PDE4B: variants seen among roughly 807,000 people sequenced by gnomAD.
PDE4B encodes the protein 3',5'-cyclic-AMP phosphodiesterase 4B.
Under a neutral mutation model 82.2 loss-of-function variants are expected in PDE4B, and 20 were observed. That is an observed-to-expected ratio of 0.24 (90% CI 0.17 to 0.35). PDE4B has a LOEUF of 0.35. PDE4B is among the 10% of genes least tolerant of loss of function. The pLI is 1.00. For missense variants in PDE4B, 655 were observed against 907.2 expected, an observed-to-expected ratio of 0.72 and a Z score of 3.57; for synonymous variants, 320 against 318.9, an observed-to-expected ratio of 1.00 and a Z score of -0.04.
At chr1:66,297,615 A>G (rs1657602615) in intron 7 of PDE4B, among the ~76,000 whole-genome samples, 2 of 152,114 alleles carry the variant, frequency 1.3e-5, no homozygotes, top group African/African-American at 4.8e-5. Context: ...TTTTTATTAT[A>G]TTATTCATTA....
chr1:65,869,142 A>G (rs1646545125), intron 1 of PDE4B, among the ~76,000 whole-genome samples: 1 of 152,228 alleles, frequency 6.6e-6, no homozygotes, highest in East Asian at 1.9e-4. Context: ...TAATCAGACA[A>G]TTTTGGAAGT....
chr1:65,944,356 G>T (rs1648597622), intron 3 of PDE4B, among the ~76,000 whole-genome samples: 1 of 151,714 alleles, frequency 6.6e-6, no homozygotes, highest in East Asian at 1.9e-4. Flanking sequence ...GTTGAATTCA[G>T]TTTGCTAGTA....
intron 3 of PDE4B, among the ~76,000 whole-genome samples, chr1:66,017,205 G>A (rs1240323139): frequency 6.6e-6 from 1 of 152,138 alleles, no homozygotes; most frequent in South Asian, 2.1e-4. Context: ...TTGTATTTGT[G>A]TAACCAGTAT....
intron 7 of PDE4B, among the ~76,000 whole-genome samples, chr1:66,289,130 C>T (rs1570631391): frequency 6.6e-6 from 1 of 152,168 alleles, no homozygotes; most frequent in East Asian, 1.9e-4. Flanking sequence ...TAGCCAGGGG[C>T]AGTGACACAT....
At chr1:65,822,863 T>C (rs1053075165) in intron 1 of PDE4B, among the ~76,000 whole-genome samples, 1 of 152,174 alleles carries the variant, frequency 6.6e-6, no homozygotes, top group African/African-American at 2.4e-5. Context: ...TTTCTATTAT[T>C]GATAATTTGC....
rs571848180 is a variant in PDE4B at position 66,185,109 on chromosome 1, C to T, written c.282-62351C>T. Among the ~76,000 whole-genome samples, 18 of 152,072 alleles carry T rather than the reference C, an allele frequency of 1.2e-4. No homozygotes were observed. In the South Asian group the frequency reaches 2.9e-3, roughly 25 times the overall value. ...GCGGTGTTTGGTTTTTTTGTCCTTG[C>T]GATAGTTTGCTGAGAATGATGGTTT... On this transcript the variant is annotated intron_variant, in intron 3 of 16. Transcript: ENST00000341517.
chr1:66,045,023 C>A (rs1229631159), intron 3 of PDE4B, among the ~76,000 whole-genome samples: 1 of 151,484 alleles, frequency 6.6e-6, no homozygotes, highest in Non-Finnish European at 1.5e-5. Context: ...ATAAAATAAC[C>A]AGCCACTATA....
At chr1:65,861,810 A>G (rs1458478818) in intron 1 of PDE4B, among the ~76,000 whole-genome samples, 2 of 152,102 alleles carry the variant, frequency 1.3e-5, no homozygotes, top group South Asian at 2.1e-4. Flanking sequence ...CTTTGTAGCA[A>G]TTGTGAATGG....
chr1:65,969,463 G>A (rs146875229), intron 3 of PDE4B, among the ~76,000 whole-genome samples: 2 of 152,224 alleles, frequency 1.3e-5, no homozygotes, highest in East Asian at 1.9e-4. Context: ...TACCAAACAC[G>A]GTATGGAAGA....
At chr1:65,995,624 A>G (rs1236896565) in intron 3 of PDE4B, among the ~76,000 whole-genome samples, 2 of 152,176 alleles carry the variant, frequency 1.3e-5, no homozygotes, top group African/African-American at 2.4e-5. Flanking sequence ...GCTTTTTTAC[A>G]TAGATGAAAT....
chr1:66,047,937 G>C (rs1654803364), intron 3 of PDE4B, among the ~76,000 whole-genome samples: 1 of 151,926 alleles, frequency 6.6e-6, no homozygotes, highest in African/African-American at 2.4e-5. Flanking sequence ...TGGGTATGAA[G>C]AGCTAATGGC....
Position 66,257,880 on chromosome 1 carries a change from T to G in PDE4B, c.584+17T>G, listed in dbSNP as rs757108737. On this transcript the variant is annotated intron_variant, in intron 6 of 16. Coordinates refer to ENST00000341517, the MANE Select transcript of PDE4B (RefSeq NM_002600.4). Reference sequence around the variant, plus strand: ...ATCTAACAAGTAAGGATTGACTTTTTTGTGGAGTTTGAATCCCTAACATAA... The same window carrying G: ...ATCTAACAAGTAAGGATTGACTTTTGTGTGGAGTTTGAATCCCTAACATAA... 3 of 1,589,648 alleles carry G rather than the reference T, an allele frequency of 1.9e-6. No individual in the cohort carries two copies. Among genetic ancestry groups the G allele is most frequent in the African/African-American group, 2.7e-5 (2 of 74,570 alleles).
chr1:65,877,053 T>C (rs1420373093), intron 1 of PDE4B, among the ~76,000 whole-genome samples: 1 of 152,068 alleles, frequency 6.6e-6, no homozygotes, highest in Non-Finnish European at 1.5e-5. Flanking sequence ...AAAAAAACTG[T>C]TTTAAATTTC....
intron 3 of PDE4B, among the ~76,000 whole-genome samples, chr1:66,191,531 C>T (rs1366105230): frequency 6.6e-6 from 1 of 152,094 alleles, no homozygotes; most frequent in Non-Finnish European, 1.5e-5. Context: ...GCCACATAAT[C>T]AGATTACTGT....
At chr1:65,903,677 A>G (rs574352982) in intron 1 of PDE4B, among the ~76,000 whole-genome samples, 22 of 152,298 alleles carry the variant, frequency 1.4e-4, no homozygotes, top group Middle Eastern at 3.4e-3. Context: ...ATGTATTTCT[A>G]TGTTCCTTTA....
chr1:66,126,350 T>C (rs996033768), intron 3 of PDE4B, among the ~76,000 whole-genome samples: 2 of 152,222 alleles, frequency 1.3e-5, no homozygotes, highest in Admixed American at 6.5e-5. Context: ...ATTACTAATA[T>C]GAAATACAAA....
At chr1:66,330,992 CCT>C (rs1660064192) in intron 7 of PDE4B, among the ~76,000 whole-genome samples, 1 of 152,112 alleles carries the variant, frequency 6.6e-6, no homozygotes, top group South Asian at 2.1e-4. Context: ...GAATTTAACC[CCT>C]GTTTATCTTG....
intron 3 of PDE4B, among the ~76,000 whole-genome samples, chr1:66,106,815 T>C (rs1645370562): frequency 8.5e-6 from 1 of 117,792 alleles, no homozygotes; most frequent in South Asian, 3.1e-4. Context: ...TGCATCTATT[T>C]GATTCTTCTC....
rs12047891 is a variant in PDE4B, at chr1:66,187,781, C to A, written c.282-59679C>A. Among the ~76,000 whole-genome samples the A allele has an allele frequency of 0.012, 1,876 of 151,864 alleles. 62 individuals are homozygous for A. In the East Asian group the frequency reaches 0.14, roughly 11 times the overall value. The stretch of plus-strand genomic sequence containing the variant: ...CAATTTTGTTGATCCTTTCAAAAAA[C>A]CAGCTCCTGGATTCATTGATTTTTT... On this transcript the variant is annotated intron_variant, in intron 3 of 16. Coordinates refer to ENST00000341517, the MANE Select transcript of PDE4B (RefSeq NM_002600.4).
Sources: gnomAD v4.1 joint callset for allele counts (sites outside exome capture counted in the v4.1 genomes callset) on GRCh38, gnomAD v4.1.1 for gene constraint, MANE v1.5 for transcripts, NCBI Gene and HGNC (gene_info 2026-07-23, HGNC 2026-07-21) for gene names.